Variants in CSNK1E observed in about 807,000 individuals in gnomAD.
CSNK1E encodes the protein casein kinase I isoform epsilon.
Under a neutral mutation model 46.1 loss-of-function variants are expected in CSNK1E, and 17 were observed. The observed-to-expected ratio is 0.37, with a 90% CI of 0.25 to 0.55. The LOEUF (loss-of-function observed/expected upper bound fraction) is 0.55. Among genes scored for constraint, CSNK1E ranks in the 20% least tolerant of loss-of-function variants. CSNK1E has a pLI of 0.82. For synonymous variants in CSNK1E, 241 were observed against 242.6 expected (o/e 0.99, Z 0.06); for missense variants, 386 against 595.4 (o/e 0.65, Z 3.66).
In CSNK1E at chr22:38,293,330, T is replaced by G. The variant is rs2092621449; in HGVS notation, c.1219-11A>C. 6.3e-7 allele frequency: 1 copy of G among 1,586,488 alleles called. No individual in the cohort carries two copies. ...AAATGGCACACTTGTCTTTTGAGGG[T>G]GGGGAGGGAGAGAGGGGGAGGGAGA... On this transcript the variant is annotated splice_polypyrimidine_tract_variant and intron_variant, in intron 9 of 10. Transcript: ENST00000396832.
chr22:38,307,577 C>A (rs142976276), intron 2 of CSNK1E, among the ~76,000 whole-genome samples: 3 of 152,152 alleles, frequency 2.0e-5, no homozygotes, highest in African/African-American at 7.2e-5. Flanking sequence ...ACAGAGGATG[C>A]GCGTAGCTTA....
At chr22:38,305,388 C>A (rs6001093) in intron 2 of CSNK1E, among the ~76,000 whole-genome samples, 2 of 144,254 alleles carry the variant, frequency 1.4e-5, no homozygotes, top group African/African-American at 2.7e-5. Context: ...TGGGGTTAGG[C>A]AAAGCTTTTA....
rs1235581019 is a variant in CSNK1E, at chr22:38,290,990, C to G, written c.*981G>C. The G allele has an allele frequency of 6.6e-6, 1 of 152,214 alleles. No homozygotes were observed. Among genetic ancestry groups the G allele is most frequent in the East Asian group, 1.9e-4 (1 of 5,192 alleles). 9.4% of individuals were successfully genotyped at this position (152,214 alleles called of 1,614,324 possible). A position where few individuals can be genotyped will look rare whatever the true frequency, so the allele number is the denominator to read the frequency against. On this transcript the variant is annotated 3_prime_UTR_variant, in exon 11 of 11. Coordinates refer to ENST00000396832, the MANE Select transcript of CSNK1E (RefSeq NM_152221.3). The stretch of plus-strand genomic sequence containing the variant: ...TAGGAAGGATGGGTTAATCCAAAAC[C>G]CAGCCCTGACTCCAGGCTCCTCCTC...
intron 7 of CSNK1E, chr22:38,297,977 G>A (rs1236113329): frequency 2.5e-5 from 28 of 1,137,106 alleles, no homozygotes; most frequent in Non-Finnish European, 3.1e-5. Flanking sequence ...GGGGGCTCTG[G>A]GTGCCCAGGG....
intron 2 of CSNK1E, among the ~76,000 whole-genome samples, chr22:38,310,574 G>A (rs780552655): frequency 5.9e-5 from 9 of 152,296 alleles, no homozygotes; most frequent in African/African-American, 1.2e-4. Context: ...AACACTGTTC[G>A]CCACCCCTTT....
chr22:38,306,184 G>C lies in CSNK1E; in HGVS notation c.77-2936C>G, dbSNP rs1194730318. On this transcript the variant is annotated intron_variant, in intron 2 of 10. Transcript: ENST00000396832. ...TCTCATTTCAGTTTTCTTTAAAAAG[G>C]TGGGGAACTAAGTATCTGTGTTTGG... Among the ~76,000 whole-genome samples the C allele has an allele frequency of 2.0e-5, 3 of 152,198 alleles. No homozygotes were observed. The East Asian group carries it at 5.8e-4, about 29-fold the overall frequency.
chr22:38,293,982 G>A, intron 9 of CSNK1E, 127 bp downstream of exon 9: 1 of 1,149,338 alleles, frequency 8.7e-7, no homozygotes, highest in Non-Finnish European at 1.2e-6. Context: ...TGGCTCTACA[G>A]AAGGGGTTCA....
At position 38,297,685 on chromosome 22, in the gene CSNK1E, C is replaced by T. The variant is rs572184112; in HGVS notation, c.885+1101G>A. On this transcript the variant is annotated intron_variant, in intron 7 of 10. Transcript: ENST00000396832. ...CTAGCTATGAGTCTGTCCTGGGACC[C>T]GTTCCCACCAGGCCCCTTGTGGGCA... 868 of 994,276 alleles carry T rather than the reference C, an allele frequency of 8.7e-4. 1 individual carries two copies. Among genetic ancestry groups the T allele is most frequent in the Non-Finnish European group, 9.7e-4 (808 of 835,140 alleles). 61.6% of individuals were successfully genotyped at this position (994,276 alleles called of 1,614,324 possible).
rs376168212 is a variant in CSNK1E at position 38,294,451 on chromosome 22, G to A, written c.969C>T (p.Ser323=). The A allele has an allele frequency of 1.8e-4, 281 of 1,576,700 alleles. 1 individual carries two copies. Among genetic ancestry groups the A allele is most frequent in the Middle Eastern group, 1.7e-4 (1 of 5,936 alleles). Residue 323 remains serine (S), a synonymous_variant, in exon 8 of 11, where the codon TCC becomes TCT. Coordinates refer to ENST00000396832, the MANE Select transcript of CSNK1E (RefSeq NM_152221.3). The surrounding 1 kb of genome is among the most constrained non-coding windows in gnomAD (Gnocchi z 5.5). ...REERMGQLRG[S]ATRALPPGPP... The stretch of plus-strand genomic sequence containing the variant: ...GGCCAGGGGGCAGGGCTCGGGTCGC[G>A]GACCCCCGTAGCTGCCCCATCCTCT...
intron 1 of CSNK1E, among the ~76,000 whole-genome samples, chr22:38,315,416 A>C (rs765659755): frequency 6.6e-6 from 1 of 152,184 alleles, no homozygotes; most frequent in Non-Finnish European, 1.5e-5. Context: ...AGGGACCTCC[A>C]CCAGAGCTGG....
At position 38,298,430 on chromosome 22, in the gene CSNK1E, G is replaced by A. The variant is rs2092652587; in HGVS notation, c.885+356C>T. 1 of 369,640 alleles carries A rather than the reference G, an allele frequency of 2.7e-6. No individual in the cohort carries two copies. The highest frequency in any genetic ancestry group is 7.2e-5 in the East Asian group (1 of 13,976). 22.9% of individuals were successfully genotyped at this position (369,640 alleles called of 1,614,324 possible). ...GGCCATGGTGCAGGTAGCCACCTGG[G>A]ATGTGCAGAACAGGAGCAGCAGGAC... On this transcript the variant is annotated intron_variant, in intron 7 of 10. Coordinates refer to ENST00000396832, the MANE Select transcript of CSNK1E (RefSeq NM_152221.3). The surrounding 1 kb of genome is among the most constrained non-coding windows in gnomAD (Gnocchi z 4.2).
Position 38,294,179 on chromosome 22 carries a change from C to T in CSNK1E, c.1148G>A (p.Gly383Asp), listed in dbSNP as rs1239848442. ...TGAGGAGGAGACGTTGGCGGGCGCA[C>T]CCCTGTGCAGCCTCATACTCACCTT... ...ERKVSMRLHR[G>D]APANVSSSDL... The change falls in exon 9 of 11, where the codon GGT becomes GAT. Residue 383 changes from glycine to aspartate, a missense_variant. Physicochemically the swap from Gly to Asp is moderately conservative, Grantham distance 94. This residue lies in a region of CSNK1E where 174 missense variants were observed against 185.2 expected (regional missense o/e 0.94). Coordinates refer to ENST00000396832, the MANE Select transcript of CSNK1E (RefSeq NM_152221.3). The surrounding 1 kb of genome is among the most constrained non-coding windows in gnomAD (Gnocchi z 5.5). 6.2e-7 allele frequency: 1 copy of T among 1,612,428 alleles called. No homozygotes were observed. The highest frequency in any genetic ancestry group is 8.5e-7 in the Non-Finnish European group (1 of 1,179,866).
intron 2 of CSNK1E, among the ~76,000 whole-genome samples, chr22:38,306,454 C>T (rs1455734808): frequency 1.3e-5 from 2 of 152,184 alleles, no homozygotes; most frequent in Admixed American, 1.3e-4. Context: ...GAACACAGGC[C>T]GGGCGCGGTG....
intron 7 of CSNK1E, chr22:38,297,720 A>ATCCC (rs1256870045): frequency 1.0e-6 from 1 of 995,200 alleles, no homozygotes; most frequent in East Asian, 1.1e-4. Context: ...AGTGGCCACC[A>ATCCC]TCCCTCCCTC....
chr22:38,295,220 C>T (rs544148735), intron 7 of CSNK1E, among the ~76,000 whole-genome samples: 1 of 152,306 alleles, frequency 6.6e-6, no homozygotes, highest in South Asian at 2.1e-4. Context: ...AAAATGGGGC[C>T]ACGTTCCCCA....
chr22:38,295,645 G>A (rs1297800913), intron 7 of CSNK1E, among the ~76,000 whole-genome samples: 1 of 152,194 alleles, frequency 6.6e-6, no homozygotes, highest in Non-Finnish European at 1.5e-5. Context: ...GAGAGGCCTT[G>A]TGACCTGCCC....
At chr22:38,304,800 ACACG>A (rs1236879037) in intron 2 of CSNK1E, among the ~76,000 whole-genome samples, 3 of 152,228 alleles carry the variant, frequency 2.0e-5, no homozygotes, top group Non-Finnish European at 4.4e-5. Flanking sequence ...AAGTACCGAT[ACACG>A]CTACGACACG....
Position 38,304,170 on chromosome 22 carries a change from G to T in CSNK1E, c.77-922C>A, listed in dbSNP as rs867907470. On this transcript the variant is annotated intron_variant, in intron 2 of 10. Transcript: ENST00000396832. ...GGGCCAGCAGCGAGCCCAGCAGGAG[G>T]AGTAGGACAGTGTCGCAACAGGACA... Among the ~76,000 whole-genome samples, 11 of 152,272 alleles carry T rather than the reference G, an allele frequency of 7.2e-5. No homozygotes were observed. The South Asian group carries it at 1.0e-3, about 14-fold the overall frequency.
In CSNK1E at chr22:38,317,367, GCCGCCGCCT is replaced by G. The variant is rs2092753206; in HGVS notation, c.-229_-221del. The G allele has an allele frequency of 6.9e-6, 1 of 145,194 alleles. No individual in the cohort carries two copies. The highest frequency in any genetic ancestry group is 2.6e-5 in the African/African-American group (1 of 38,290). The allele number at this position is 145,194 out of a possible 1,614,324, so 9.0% of individuals were successfully genotyped here. ...GGCTCTCGCCGCCGCCGCCGCCGCC[GCCGCCGCCT>G]CCCTCCTCCCGGCCTCCTGCCCGCC... On this transcript the variant is annotated 5_prime_UTR_variant, in exon 1 of 11. Transcript: ENST00000396832.
Sources: allele counts gnomAD v4.1 joint callset (sites outside exome capture counted in the v4.1 genomes callset), GRCh38; gene constraint gnomAD v4.1.1; regional missense constraint gnomAD v4.1.1; non-coding constraint Gnocchi (gnomAD v3.1); transcripts MANE v1.5; gene names NCBI Gene and HGNC (gene_info 2026-07-23, HGNC 2026-07-21).